Variants in GSDME observed in about 807,000 individuals in gnomAD.
GSDME encodes gasdermin E.
A neutral mutation model predicts 47.5 loss-of-function variants in GSDME; 44 were observed. The observed-to-expected ratio is 0.93, with a 90% CI of 0.73 to 1.19. GSDME has a LOEUF of 1.19. Ranked by LOEUF, GSDME falls within the 50% of genes most tolerant of loss-of-function variation. GSDME has a pLI of 0.00. For missense variants in GSDME, 663 were observed against 604.2 expected (o/e 1.10, Z -1.02); for synonymous variants, 258 against 252.8 (o/e 1.02, Z -0.20).
At chr7:24,722,040 T>C (rs1789808961) in intron 3 of GSDME, among the ~76,000 whole-genome samples, 1 of 152,218 alleles carries the variant, frequency 6.6e-6, no homozygotes, top group Admixed American at 6.5e-5. Context: ...GATATTTTTC[T>C]AGCTCATTCA....
At chr7:24,722,913 AC>A (rs928881236) in intron 3 of GSDME, among the ~76,000 whole-genome samples, 14 of 152,256 alleles carry the variant, frequency 9.2e-5, no homozygotes, top group Admixed American at 5.9e-4. Flanking sequence ...CGGACCCACC[AC>A]AGCGCAGGAA....
chr7:24,749,234 G>A (rs1790775421), intron 2 of GSDME, among the ~76,000 whole-genome samples: 2 of 152,268 alleles, frequency 1.3e-5, no homozygotes, highest in Admixed American at 6.5e-5. Context: ...AGGCATGGTG[G>A]CTGATGTGTG....
the GSDME span, among the ~76,000 whole-genome samples, chr7:24,772,361 T>A: frequency 1.3e-5 from 2 of 152,262 alleles, no homozygotes; most frequent in Admixed American, 1.3e-4. The surrounding 1 kb of genome is among the most constrained non-coding windows in gnomAD (Gnocchi z 4.5). Context: ...TTTATTCTCA[T>A]AGCTTTCCTC....
intron 3 of GSDME, among the ~76,000 whole-genome samples, chr7:24,740,372 A>G (rs1013473322): frequency 1.4e-4 from 22 of 152,120 alleles, no homozygotes; most frequent in African/African-American, 5.1e-4. Context: ...GTATTTTATA[A>G]CATAACTTTA....
At chr7:24,792,754 C>T in the GSDME span, among the ~76,000 whole-genome samples, 4 of 152,054 alleles carry the variant, frequency 2.6e-5, no homozygotes, top group Non-Finnish European at 5.9e-5. Flanking sequence ...ACAGCAGTCT[C>T]GGTGGTTAGC....
chr7:24,702,156 A>G (rs1451175457), intron 9 of GSDME, among the ~76,000 whole-genome samples: 1 of 152,232 alleles, frequency 6.6e-6, no homozygotes, highest in African/African-American at 2.4e-5. Context: ...CTTCAGGGCA[A>G]CCTGTTGGTG....
chr7:24,702,961 A>G (rs1788935993), intron 8 of GSDME, 128 bp from the exon 9 acceptor site: 1 of 728,398 alleles, frequency 1.4e-6, no homozygotes, highest in Admixed American at 2.1e-5. Context: ...GGTACTCAGC[A>G]GTTGCTGAGT....
At chr7:24,786,517 G>A in the GSDME span, among the ~76,000 whole-genome samples, 1 of 152,182 alleles carries the variant, frequency 6.6e-6, no homozygotes, top group Non-Finnish European at 1.5e-5. This position sits in a 1 kb window ranked among gnomAD's most constrained non-coding sequence, Gnocchi z 5.5. Context: ...TGGGGTTGTT[G>A]TGAGGCTTTC....
the GSDME span, among the ~76,000 whole-genome samples, chr7:24,764,462 T>C: frequency 1.3e-5 from 2 of 152,206 alleles, no homozygotes; most frequent in East Asian, 1.9e-4. The surrounding 1 kb of genome is among the most constrained non-coding windows in gnomAD (Gnocchi z 4.4). Flanking sequence ...TGAGGCTCCA[T>C]CTCTGTAAGG....
At position 24,742,472 on chromosome 7, in the gene GSDME, C is replaced by G. The variant is rs1790522989; in HGVS notation, c.404+2090G>C. On this transcript the variant is annotated intron_variant, in intron 3 of 9. Coordinates refer to ENST00000645220, the MANE Select transcript of GSDME (RefSeq NM_001127453.2). The surrounding 1 kb of genome is among the most constrained non-coding windows in gnomAD (Gnocchi z 4.4). ...CGGATGCTCCTTTCCTTTCCCTCCC[C>G]CACTCCCTCTTCCTCCACTCAGAAC... Among the ~76,000 whole-genome samples, 1 of 152,200 alleles carries G rather than the reference C, an allele frequency of 6.6e-6. No individual in the cohort carries two copies. Among genetic ancestry groups the G allele is most frequent in the Non-Finnish European group, 1.5e-5 (1 of 68,034 alleles).
intron 2 of GSDME, among the ~76,000 whole-genome samples, chr7:24,748,666 C>G (rs189984212): frequency 3.6e-4 from 55 of 152,134 alleles, no homozygotes; most frequent in African/African-American, 1.3e-3. Context: ...CTTCTGAGAC[C>G]CCACTCCTCC....
chr7:24,784,950 T>C, the GSDME span, among the ~76,000 whole-genome samples: 1 of 152,098 alleles, frequency 6.6e-6, no homozygotes. Context: ...GACTCAAATG[T>C]TAATCTCCTC....
At chr7:24,767,847 C>T in the GSDME span, among the ~76,000 whole-genome samples, 1 of 152,260 alleles carries the variant, frequency 6.6e-6, no homozygotes, top group African/African-American at 2.4e-5. The surrounding 1 kb of genome is among the most constrained non-coding windows in gnomAD (Gnocchi z 5.3). Flanking sequence ...AGAAAAAATG[C>T]TTTTGATGGC....
intron 1 of GSDME, among the ~76,000 whole-genome samples, chr7:24,753,196 G>A (rs544587772): frequency 3.3e-5 from 5 of 152,128 alleles, no homozygotes; most frequent in East Asian, 3.9e-4. Flanking sequence ...ATACTTACAC[G>A]GTTCAAAAAT....
chr7:24,776,261 G>GACCC, the GSDME span, among the ~76,000 whole-genome samples: 1 of 152,002 alleles, frequency 6.6e-6, no homozygotes, highest in African/African-American at 2.4e-5. Context: ...GGCCACAGTG[G>GACCC]ACGTGGTGGC....
At chr7:24,780,058 G>A in the GSDME span, among the ~76,000 whole-genome samples, 1 of 152,228 alleles carries the variant, frequency 6.6e-6, no homozygotes, top group Non-Finnish European at 1.5e-5. The surrounding 1 kb of genome is among the most constrained non-coding windows in gnomAD (Gnocchi z 4.1). Context: ...CACATACAAA[G>A]AGAATTAAAG....
rs10266655 is a variant in GSDME, at chr7:24,698,939, T to C, written c.*87A>G. ...AAACTGTTCTGTAAATTCATTTCATTGGTCAACTTTTAACGTGCATATGAC... is the reference window on the plus strand; with the variant it reads ...AAACTGTTCTGTAAATTCATTTCATCGGTCAACTTTTAACGTGCATATGAC... On this transcript the variant is annotated 3_prime_UTR_variant, in exon 10 of 10. Coordinates refer to ENST00000645220, the MANE Select transcript of GSDME (RefSeq NM_001127453.2). 5,769 of 919,968 alleles carry C rather than the reference T, an allele frequency of 6.3e-3. 248 individuals carry two copies. In the African/African-American group the frequency reaches 0.085, roughly 14 times the overall value. 57.0% of individuals were successfully genotyped at this position (919,968 alleles called of 1,614,324 possible).
the GSDME span, among the ~76,000 whole-genome samples, chr7:24,769,599 A>G: frequency 1.3e-5 from 2 of 152,106 alleles, no homozygotes; most frequent in Admixed American, 6.5e-5. Flanking sequence ...TAGGCTCACT[A>G]AAGACTGATT....
intron 5 of GSDME, 161 bp from the exon 6 acceptor site, chr7:24,710,549 T>C (rs1307328260): frequency 1.5e-6 from 1 of 664,360 alleles, no homozygotes; most frequent in Non-Finnish European, 2.6e-6. Context: ...CCTACACACA[T>C]TATGTTGCTT....
Sources: gnomAD v4.1 joint callset for allele counts (sites outside exome capture counted in the v4.1 genomes callset) on GRCh38, gnomAD v4.1.1 for gene constraint, Gnocchi (gnomAD v3.1) non-coding constraint, MANE v1.5 for transcripts, NCBI Gene and HGNC (gene_info 2026-07-23, HGNC 2026-07-21) for gene names.